Variants in GABRG3 observed in about 807,000 individuals in gnomAD.
GABRG3 encodes gamma-aminobutyric acid receptor subunit gamma-3.
Under a neutral mutation model 48.8 loss-of-function variants are expected in GABRG3, and 25 were observed. The observed-to-expected ratio is 0.51, with a 90% CI of 0.37 to 0.72. The LOEUF (loss-of-function observed/expected upper bound fraction) is 0.72. Ranked by LOEUF, GABRG3 falls within the 30% of genes least tolerant of loss-of-function variation. The pLI is 0.00. For missense variants in GABRG3, 394 were observed against 577.9 expected (o/e 0.68, Z 3.26); for synonymous variants, 227 against 217.6 (o/e 1.04, Z -0.38).
Position 27,212,713 on chromosome 15 carries a change from G to T in GABRG3, c.271-114096G>T, listed in dbSNP as rs534976892. ...TCCCACACTGAAACTTTGTACTCAC[G>T]AAACACTAACTCCCTTTCCCTCCCC... On this transcript the variant is annotated intron_variant, in intron 3 of 9. Coordinates refer to ENST00000615808, the MANE Select transcript of GABRG3 (RefSeq NM_033223.5). Among the ~76,000 whole-genome samples, 5 of 152,142 alleles carry T rather than the reference G, an allele frequency of 3.3e-5. No individual in the cohort carries two copies. In the East Asian group the frequency reaches 9.7e-4, roughly 29 times the overall value.
At chr15:27,139,924 T>C (rs1055710743) in intron 3 of GABRG3, among the ~76,000 whole-genome samples, 2 of 152,068 alleles carry the variant, frequency 1.3e-5, no homozygotes, top group South Asian at 4.1e-4. Flanking sequence ...GTTTAATCAA[T>C]CATACCCACA....
intron 3 of GABRG3, among the ~76,000 whole-genome samples, chr15:27,287,742 T>A (rs2140484039): frequency 6.8e-6 from 1 of 147,726 alleles, no homozygotes; most frequent in African/African-American, 2.6e-5. Flanking sequence ...TGTGTCTTTT[T>A]TTTTTTTTTT....
At chr15:27,238,302 G>A (rs1890036481) in intron 3 of GABRG3, among the ~76,000 whole-genome samples, 1 of 152,154 alleles carries the variant, frequency 6.6e-6, no homozygotes, top group African/African-American at 2.4e-5. Context: ...TCTGACCGTG[G>A]GCCCTAACGC....
chr15:26,980,618 G>A (rs1474768748), intron 2 of GABRG3, among the ~76,000 whole-genome samples: 4 of 150,422 alleles, frequency 2.7e-5, no homozygotes, highest in African/African-American at 9.8e-5. Context: ...GGCAGATGTT[G>A]CAGTGAGCTG....
intron 3 of GABRG3, among the ~76,000 whole-genome samples, chr15:27,218,906 C>G (rs1458112597): frequency 6.6e-6 from 1 of 152,126 alleles, no homozygotes; most frequent in Non-Finnish European, 1.5e-5. Flanking sequence ...AAGTTAGCTT[C>G]CATTATTGTG....
At chr15:27,056,676 A>G (rs1896553593) in intron 3 of GABRG3, among the ~76,000 whole-genome samples, 1 of 152,124 alleles carries the variant, frequency 6.6e-6, no homozygotes, top group Admixed American at 6.5e-5. Flanking sequence ...GGAAGTTCAC[A>G]AGACCCCCCA....
At chr15:26,987,127 A>G (rs1191191518) in intron 2 of GABRG3, among the ~76,000 whole-genome samples, 1 of 152,166 alleles carries the variant, frequency 6.6e-6, no homozygotes, top group Non-Finnish European at 1.5e-5. Flanking sequence ...GAGTGGTGGC[A>G]GGTGCCTGTA....
chr15:27,454,978 C>T (rs572878492), intron 5 of GABRG3, among the ~76,000 whole-genome samples: 31 of 152,334 alleles, frequency 2.0e-4, no homozygotes, highest in Middle Eastern at 3.4e-3. Flanking sequence ...GTTAGCTCTA[C>T]GTGCATTCGT....
intron 6 of GABRG3, among the ~76,000 whole-genome samples, chr15:27,513,042 T>C (rs1890933664): frequency 1.3e-5 from 2 of 151,554 alleles, no homozygotes; most frequent in African/African-American, 4.9e-5. Flanking sequence ...AAAACTGAAG[T>C]CACTCAAAAG....
chr15:27,192,270 C>G (rs1888340032), intron 3 of GABRG3, among the ~76,000 whole-genome samples: 1 of 152,056 alleles, frequency 6.6e-6, no homozygotes. Flanking sequence ...GAACGTTGGC[C>G]TGCCTTGCTA....
chr15:27,267,922 T>A (rs2140471569), intron 3 of GABRG3, among the ~76,000 whole-genome samples: 1 of 152,346 alleles, frequency 6.6e-6, no homozygotes, highest in African/African-American at 2.4e-5. Context: ...TCTTCCTTTT[T>A]ATGTGTTGTT....
At position 27,259,533 on chromosome 15, in the gene GABRG3, T is replaced by A. The variant is rs997417206; in HGVS notation, c.271-67276T>A. Among the ~76,000 whole-genome samples, 4 of 152,206 alleles carry A rather than the reference T, an allele frequency of 2.6e-5. No individual in the cohort carries two copies. In the East Asian group the frequency reaches 7.7e-4, roughly 29 times the overall value. ...CTTGAGATGCAAAGAAATCATTATT[T>A]CCTTACTTTTACTAATTCCAGGGCA... On this transcript the variant is annotated intron_variant, in intron 3 of 9. Coordinates refer to ENST00000615808, the MANE Select transcript of GABRG3 (RefSeq NM_033223.5).
At chr15:27,015,679 G>A (rs577772223) in intron 2 of GABRG3, among the ~76,000 whole-genome samples, 2 of 151,868 alleles carry the variant, frequency 1.3e-5, no homozygotes, top group East Asian at 1.9e-4. Flanking sequence ...GAGCCACCGC[G>A]CCCGGCCGTG....
At chr15:27,377,133 T>A (rs959119629) in intron 5 of GABRG3, among the ~76,000 whole-genome samples, 2 of 152,204 alleles carry the variant, frequency 1.3e-5, no homozygotes, top group African/African-American at 4.8e-5. Context: ...ACAGGAGTTA[T>A]GTTTGCTCCA....
chr15:27,361,911 A>T (rs1895035549), intron 5 of GABRG3, among the ~76,000 whole-genome samples: 2 of 152,208 alleles, frequency 1.3e-5, no homozygotes, highest in African/African-American at 4.8e-5. Flanking sequence ...TATTTAGCTG[A>T]TGTTCAATAG....
At chr15:27,142,200 A>G (rs1369550556) in intron 3 of GABRG3, among the ~76,000 whole-genome samples, 12 of 152,156 alleles carry the variant, frequency 7.9e-5, no homozygotes. Context: ...CATTCATTAT[A>G]TTTTGGTCTG....
intron 3 of GABRG3, among the ~76,000 whole-genome samples, chr15:27,033,946 G>A (rs916237506): frequency 6.6e-6 from 1 of 152,000 alleles, no homozygotes; most frequent in Non-Finnish European, 1.5e-5. Context: ...ATGGCCTTTG[G>A]ACCTGAGGAA....
At chr15:27,194,663 A>G (rs1193936786) in intron 3 of GABRG3, among the ~76,000 whole-genome samples, 1 of 151,964 alleles carries the variant, frequency 6.6e-6, no homozygotes, top group East Asian at 1.9e-4. Context: ...GCAATGTGTT[A>G]TTTCTCTCTG....
At chr15:27,040,740 TC>T (rs1395358201) in intron 3 of GABRG3, among the ~76,000 whole-genome samples, 1 of 152,230 alleles carries the variant, frequency 6.6e-6, no homozygotes, top group Non-Finnish European at 1.5e-5. Flanking sequence ...CTTTCTCTTT[TC>T]TCTCTTTTTT....
Sources: gnomAD v4.1 joint callset for allele counts (sites outside exome capture counted in the v4.1 genomes callset) on GRCh38, gnomAD v4.1.1 for gene constraint, MANE v1.5 for transcripts, NCBI Gene and HGNC (gene_info 2026-07-23, HGNC 2026-07-21) for gene names.